The following PLXNA4 variants were observed in gnomAD, a reference collection of about 807,000 sequenced individuals.
The protein encoded by PLXNA4 is plexin A4.
In PLXNA4, 44 loss-of-function variants were observed where a neutral mutation model predicts 191.8. The observed-to-expected ratio is 0.23, with a 90% CI of 0.18 to 0.29. The LOEUF is 0.29. Among genes scored for constraint, PLXNA4 ranks in the 10% least tolerant of loss-of-function variants. PLXNA4 has a pLI of 1.00. For synonymous variants in PLXNA4, 1,082 were observed against 1,009.5 expected (o/e 1.07, Z -1.36); for missense variants, 1,800 against 2,488.8 (o/e 0.72, Z 5.89).
chr7:132,392,832 T>C (rs1267331371), intron 3 of PLXNA4, among the ~76,000 whole-genome samples: 4 of 151,886 alleles, frequency 2.6e-5, no homozygotes, highest in African/African-American at 9.7e-5. Context: ...GACACTGGAG[T>C]CCTGCTGAGC....
chr7:132,287,401 A>T (rs1459099584), intron 4 of PLXNA4, among the ~76,000 whole-genome samples: 2 of 152,244 alleles, frequency 1.3e-5, no homozygotes, highest in African/African-American at 2.4e-5. Flanking sequence ...GGCACTTTAC[A>T]TATATTAACT....
intron 1 of PLXNA4, among the ~76,000 whole-genome samples, chr7:132,573,885 G>T (rs1802098567): frequency 6.6e-6 from 1 of 152,148 alleles, no homozygotes; most frequent in Non-Finnish European, 1.5e-5. Context: ...TCATGGCTGG[G>T]GTTTTTCTAG....
chr7:132,310,975 C>T (rs1030426421), intron 3 of PLXNA4, among the ~76,000 whole-genome samples: 2 of 152,166 alleles, frequency 1.3e-5, no homozygotes, highest in Non-Finnish European at 2.9e-5. Flanking sequence ...ACTCCTCATC[C>T]CCTTGGGAAG....
chr7:132,501,776 G>T (rs1047416352), intron 2 of PLXNA4, among the ~76,000 whole-genome samples: 5 of 152,236 alleles, frequency 3.3e-5, no homozygotes, highest in Admixed American at 2.0e-4. Context: ...CAGGCACCCA[G>T]TGCTAAATAA....
chr7:132,125,469 GTCA>G lies in PLXNA4; in HGVS notation c.*5007_*5009del, dbSNP rs1563042553. The G allele has an allele frequency of 6.6e-6, 1 of 151,874 alleles. No individual in the cohort carries two copies. Among genetic ancestry groups the G allele is most frequent in the Non-Finnish European group, 1.5e-5 (1 of 67,972 alleles). The allele number at this position is 151,874 out of a possible 1,614,324, so 9.4% of individuals were successfully genotyped here. On this transcript the variant is annotated 3_prime_UTR_variant, in exon 32 of 32. Transcript: ENST00000321063. ...TGAACCTCTCCTCATCCCCTTGGAA[GTCA>G]TAGGTTTTGCTCCCACTAACCGAGT...
chr7:132,211,417 C>T (rs1797796831), intron 9 of PLXNA4, among the ~76,000 whole-genome samples: 4 of 152,250 alleles, frequency 2.6e-5, no homozygotes, highest in Admixed American at 2.6e-4. Flanking sequence ...CTCTGACACT[C>T]CTGTAGCCTC....
At chr7:132,393,093 C>T (rs1051278474) in intron 3 of PLXNA4, among the ~76,000 whole-genome samples, 4 of 150,680 alleles carry the variant, frequency 2.7e-5, no homozygotes, top group African/African-American at 9.7e-5. Flanking sequence ...TCCGAATTTT[C>T]TCATGCTGTT....
At chr7:132,135,254 C>T (rs1280615827) in intron 30 of PLXNA4, among the ~76,000 whole-genome samples, 2 of 152,182 alleles carry the variant, frequency 1.3e-5, no homozygotes, top group African/African-American at 4.8e-5. Context: ...CAGCCAGCCA[C>T]GCAACTCTGG....
rs181371927 is a variant in PLXNA4, at chr7:132,329,360, T to A, written c.1372-31138A>T. 3.4e-4 allele frequency among the ~76,000 whole-genome samples: 52 copies of A among 152,292 alleles called. No individual in the cohort carries two copies. In the East Asian group the frequency reaches 8.9e-3, roughly 26 times the overall value. On this transcript the variant is annotated intron_variant, in intron 3 of 31. Coordinates refer to ENST00000321063, the MANE Select transcript of PLXNA4 (RefSeq NM_020911.2). ...CCCTGTCTCTGGTTCTTGGAATGAA[T>A]TTTTATATCTTTATGTGTGTGTTTC...
chr7:132,450,393 C>T (rs981649943), intron 3 of PLXNA4, among the ~76,000 whole-genome samples: 5 of 152,230 alleles, frequency 3.3e-5, no homozygotes, highest in African/African-American at 1.2e-4. Flanking sequence ...CAGAGGTAGG[C>T]GGGACACGTG....
intron 5 of PLXNA4, among the ~76,000 whole-genome samples, chr7:132,237,157 A>T (rs745879088): frequency 1.3e-5 from 2 of 152,174 alleles, no homozygotes; most frequent in Non-Finnish European, 2.9e-5. Flanking sequence ...TCTACATTTA[A>T]AATTGTACCT....
chr7:132,185,958 G>A (rs569116145), intron 15 of PLXNA4, among the ~76,000 whole-genome samples: 1 of 152,216 alleles, frequency 6.6e-6, no homozygotes, highest in African/African-American at 2.4e-5. Flanking sequence ...CAGTAGTCTT[G>A]ACATCAGTTG....
intron 1 of PLXNA4, among the ~76,000 whole-genome samples, chr7:132,570,514 T>C (rs185765109): frequency 9.8e-5 from 15 of 152,330 alleles, no homozygotes; most frequent in Admixed American, 7.2e-4. Context: ...AATCCAGCTG[T>C]GCTCATTCGA....
intron 29 of PLXNA4, among the ~76,000 whole-genome samples, chr7:132,142,534 C>A (rs1264853975): frequency 6.6e-6 from 1 of 152,170 alleles, no homozygotes; most frequent in Non-Finnish European, 1.5e-5. Context: ...ACAGGAAAAC[C>A]TAATGTTCAA....
At chr7:132,607,720 A>G (rs146273690) in intron 2 of PLXNA4, among the ~76,000 whole-genome samples, 158 of 152,304 alleles carry the variant, frequency 1.0e-3, no homozygotes, top group African/African-American at 3.6e-3. Flanking sequence ...GGAAATTCAG[A>G]ACAGAAGCAT....
intron 4 of PLXNA4, among the ~76,000 whole-genome samples, chr7:132,260,789 A>G (rs1319769937): frequency 6.6e-6 from 1 of 152,118 alleles, no homozygotes; most frequent in Admixed American, 6.5e-5. Context: ...CCTCTGTATG[A>G]TATCATAATG....
At chr7:132,645,849 A>C (rs1803856575) in intron 2 of PLXNA4, 1 of 152,654 alleles carries the variant, frequency 6.6e-6, no homozygotes, top group African/African-American at 2.4e-5. Flanking sequence ...TGAGGAAGAG[A>C]ACAGGACTGT....
intron 28 of PLXNA4, among the ~76,000 whole-genome samples, chr7:132,146,079 C>CAAAAAAAAAA (rs67412588): frequency 1.2e-4 from 6 of 48,924 alleles, no homozygotes; most frequent in Admixed American, 3.0e-4. Flanking sequence ...GACTCTGTCT[C>CAAAAAAAAAA]AAAAAAAAAA....
intron 3 of PLXNA4, among the ~76,000 whole-genome samples, chr7:132,485,392 T>C (rs1585205595): frequency 6.6e-6 from 1 of 152,170 alleles, no homozygotes; most frequent in Non-Finnish European, 1.5e-5. Context: ...TGGTTCACAA[T>C]GAACATTAGT....
Sources: gnomAD v4.1 joint callset for allele counts (sites outside exome capture counted in the v4.1 genomes callset) on GRCh38, gnomAD v4.1.1 for gene constraint, MANE v1.5 for transcripts, NCBI Gene and HGNC (gene_info 2026-07-23, HGNC 2026-07-21) for gene names.